The following ARF4 variants were observed in gnomAD, a reference collection of about 807,000 sequenced individuals.
ARF4 encodes ARF GTPase 4.
In ARF4, 5 loss-of-function variants were observed where a neutral mutation model predicts 24.3. The observed-to-expected ratio is 0.21, with a 90% CI of 0.11 to 0.43. The LOEUF is 0.43. Among genes scored for constraint, ARF4 ranks in the 20% least tolerant of loss-of-function variants. ARF4 has a pLI of 1.00. For missense variants in ARF4, 107 were observed against 213.0 expected, an observed-to-expected ratio of 0.50 and a Z score of 3.10; for synonymous variants, 62 against 73.5, an observed-to-expected ratio of 0.84 and a Z score of 0.80.
At chr3:57,589,318 C>T (rs112582906) in intron 1 of ARF4, among the ~76,000 whole-genome samples, 7 of 151,790 alleles carry the variant, frequency 4.6e-5, no homozygotes, top group African/African-American at 1.2e-4. Context: ...TTCCCAGCTA[C>T]GTGGGAGGCT....
Position 57,583,897 on chromosome 3 carries a change from C to T in ARF4, c.258+1G>A. The T allele has an allele frequency of 1.9e-6, 3 of 1,579,516 alleles. No individual in the cohort carries two copies. Among genetic ancestry groups the T allele is most frequent in the Non-Finnish European group, 2.6e-6 (3 of 1,151,892 alleles). On this transcript the variant is annotated splice_donor_variant, in intron 3 of 5. Transcript: ENST00000303436. LOFTEE classifies it high-confidence loss of function. ...TTATAAAAACATACAGTATCCCTTA[C>T]CTGGGTATTCTGGAAGTAATGCTTC...
At chr3:57,590,668 G>A (rs1172077792) in intron 1 of ARF4, among the ~76,000 whole-genome samples, 2 of 152,066 alleles carry the variant, frequency 1.3e-5, no homozygotes, top group East Asian at 3.9e-4. Context: ...ATAAGTGTGT[G>A]TGTGTACATA....
At chr3:57,592,888 AG>A (rs996265420) in intron 1 of ARF4, among the ~76,000 whole-genome samples, 1 of 152,168 alleles carries the variant, frequency 6.6e-6, no homozygotes, top group African/African-American at 2.4e-5. Flanking sequence ...ACAATTTTAG[AG>A]GAACAAAAAC....
intron 3 of ARF4, among the ~76,000 whole-genome samples, chr3:57,579,295 A>G (rs1474065191): frequency 2.0e-5 from 3 of 147,136 alleles, no homozygotes; most frequent in African/African-American, 7.4e-5. Context: ...ACATCCACTA[A>G]GGGCAAAGGA....
intron 5 of ARF4, 118 bp from the exon 6 acceptor site, chr3:57,572,416 T>C (rs996234191): frequency 3.9e-5 from 28 of 725,238 alleles, no homozygotes; most frequent in Non-Finnish European, 6.1e-5. Flanking sequence ...CACAAAACTC[T>C]CCCATATTTA....
chr3:57,587,959 T>C (rs2070058939), intron 1 of ARF4, among the ~76,000 whole-genome samples: 1 of 152,226 alleles, frequency 6.6e-6, no homozygotes, highest in Non-Finnish European at 1.5e-5. Flanking sequence ...ATTAAACATA[T>C]ACAGTCATCA....
intron 3 of ARF4, among the ~76,000 whole-genome samples, chr3:57,580,969 GAATT>G (rs1395213765): frequency 6.6e-6 from 1 of 151,978 alleles, no homozygotes; most frequent in Non-Finnish European, 1.5e-5. Context: ...TTGAGAAGGA[GAATT>G]ATTTTAGGTA....
chr3:57,586,570 G>A (rs554943211), intron 1 of ARF4, among the ~76,000 whole-genome samples: 3 of 152,072 alleles, frequency 2.0e-5, no homozygotes, highest in Admixed American at 6.6e-5. Context: ...TCCCCACTTC[G>A]TACTCGGATA....
intron 3 of ARF4, among the ~76,000 whole-genome samples, chr3:57,580,000 C>G (rs1207971891): frequency 1.3e-5 from 2 of 152,058 alleles, no homozygotes; most frequent in Non-Finnish European, 2.9e-5. Context: ...ACTTAGGAAG[C>G]TGAGAAGGGA....
At chr3:57,584,866 G>A (rs1444553892) in intron 1 of ARF4, among the ~76,000 whole-genome samples, 1 of 151,842 alleles carries the variant, frequency 6.6e-6, no homozygotes, top group East Asian at 1.9e-4. Flanking sequence ...GGGGGGTGGA[G>A]GGGCAGGGGA....
intron 5 of ARF4, 124 bp downstream of exon 5, chr3:57,575,424 A>G: frequency 3.0e-6 from 3 of 992,636 alleles, no homozygotes; most frequent in East Asian, 3.1e-5. Context: ...ATATTTTTAA[A>G]TAAATGATGT....
At chr3:57,594,735 A>G (rs2070160650) in intron 1 of ARF4, among the ~76,000 whole-genome samples, 1 of 152,236 alleles carries the variant, frequency 6.6e-6, no homozygotes, top group Admixed American at 6.5e-5. Flanking sequence ...TAAGCTTTAT[A>G]AAGAAAAACG....
chr3:57,584,038 C>T, intron 2 of ARF4, 31 bp from the exon 3 acceptor site: 6 of 1,391,582 alleles, frequency 4.3e-6, no homozygotes, highest in South Asian at 1.2e-5. Context: ...GACCGCTGTG[C>T]AGCGTCATTA....
At position 57,577,304 on chromosome 3, in the gene ARF4, T is replaced by C. The variant is rs1269865359; in HGVS notation, c.330+12A>G. 2 of 1,604,702 alleles carry C rather than the reference T, an allele frequency of 1.2e-6. No homozygotes were observed. Among genetic ancestry groups the C allele is most frequent in the Admixed American group, 3.3e-5 (2 of 59,964 alleles). Reference sequence around the variant, plus strand: ...CACCTTGAAAATGATGAATTTAAAGTATATTTCTTACCATTTTCTGCAGCT... The same window carrying C: ...CACCTTGAAAATGATGAATTTAAAGCATATTTCTTACCATTTTCTGCAGCT... On this transcript the variant is annotated intron_variant, in intron 4 of 5. Transcript: ENST00000303436.
intron 4 of ARF4, among the ~76,000 whole-genome samples, chr3:57,576,355 G>A (rs76145581): frequency 0.03 from 4,590 of 152,226 alleles, 95 homozygotes; most frequent in Non-Finnish European, 0.05. Context: ...GGGAATGACT[G>A]CTAATGGTCC....
intron 3 of ARF4, among the ~76,000 whole-genome samples, chr3:57,581,610 G>A: frequency 6.6e-6 from 1 of 152,182 alleles, no homozygotes; most frequent in East Asian, 1.9e-4. Flanking sequence ...AGACCAGCCT[G>A]GCTAACATGG....
Position 57,583,396 on chromosome 3 carries a change from G to A in ARF4, c.258+502C>T, listed in dbSNP as rs541119080. Among the ~76,000 whole-genome samples, 4 of 152,148 alleles carry A rather than the reference G, an allele frequency of 2.6e-5. No homozygotes were observed. In the South Asian group the frequency reaches 8.3e-4, roughly 32 times the overall value. On this transcript the variant is annotated intron_variant, in intron 3 of 5. Transcript: ENST00000303436. ...GCCACCCCCAAATTTGAGAACTCCT[G>A]TTCTACAGGATCACTAAAGTCTCTT... is the stretch of plus-strand genomic sequence containing the variant.
chr3:57,591,439 TATGA>T (rs1182144958), intron 1 of ARF4, among the ~76,000 whole-genome samples: 2 of 151,614 alleles, frequency 1.3e-5, no homozygotes, highest in African/African-American at 4.8e-5. Context: ...TACGCTATAA[TATGA>T]ATGAACTTTT....
At chr3:57,591,852 C>A (rs983566498) in intron 1 of ARF4, among the ~76,000 whole-genome samples, 1 of 152,014 alleles carries the variant, frequency 6.6e-6, no homozygotes, top group Non-Finnish European at 1.5e-5. Context: ...ATGAAGTGTC[C>A]GGAATAGATT....
Sources: allele counts gnomAD v4.1 joint callset (sites outside exome capture counted in the v4.1 genomes callset), GRCh38; gene constraint gnomAD v4.1.1; transcripts MANE v1.5; gene names NCBI Gene and HGNC (gene_info 2026-07-23, HGNC 2026-07-21).